Variants in XYLB observed in about 807,000 individuals in gnomAD.
XYLB encodes the protein xylulose kinase.
Under a neutral mutation model 78.7 loss-of-function variants are expected in XYLB, and 62 were observed. The observed-to-expected ratio is 0.79, with a 90% CI of 0.64 to 0.97. XYLB has a LOEUF of 0.97. XYLB is among the 50% of genes least tolerant of loss of function. XYLB has a pLI of 0.00. For missense variants in XYLB, 687 were observed against 676.8 expected (o/e 1.02, Z -0.17); for synonymous variants, 245 against 247.4 (o/e 0.99, Z 0.09).
chr3:38,369,726 T>C (rs937202268), intron 8 of XYLB, among the ~76,000 whole-genome samples: 1 of 152,180 alleles, frequency 6.6e-6, no homozygotes, highest in Non-Finnish European at 1.5e-5. Flanking sequence ...CCTGGAAACC[T>C]AAGGGACATG....
At chr3:38,391,921 A>G (rs73825562) in intron 15 of XYLB, among the ~76,000 whole-genome samples, 6 of 152,290 alleles carry the variant, frequency 3.9e-5, no homozygotes, top group African/African-American at 1.2e-4. Context: ...TGATGAGTAG[A>G]GCTACTTTCC....
intron 18 of XYLB, among the ~76,000 whole-genome samples, chr3:38,405,503 A>G (rs1708278725): frequency 6.6e-6 from 1 of 152,168 alleles, no homozygotes; most frequent in Non-Finnish European, 1.5e-5. Context: ...TACTGGGTTC[A>G]TCTCACTAGG....
chr3:38,444,397 A>C, the XYLB span, among the ~76,000 whole-genome samples: 1 of 152,264 alleles, frequency 6.6e-6, no homozygotes, highest in East Asian at 1.9e-4. Flanking sequence ...ATTAATAGGA[A>C]GGGGAGCTAT....
At chr3:38,380,859 A>G (rs1575498853) in intron 15 of XYLB, among the ~76,000 whole-genome samples, 1 of 152,264 alleles carries the variant, frequency 6.6e-6, no homozygotes, top group Non-Finnish European at 1.5e-5. Context: ...ATGAAAATGA[A>G]CCAGCCTCAG....
intron 15 of XYLB, among the ~76,000 whole-genome samples, chr3:38,387,310 CTT>C (rs1051745894): frequency 1.4e-5 from 2 of 144,676 alleles, no homozygotes; most frequent in African/African-American, 2.5e-5. Flanking sequence ...ATTTTCTATT[CTT>C]TTTTTTTTTT....
rs760517762 is a variant in XYLB, at chr3:38,360,357, T to C, written c.159T>C (p.His53=). 15 of 1,613,952 alleles carry C rather than the reference T, an allele frequency of 9.3e-6. No homozygotes were observed. Among genetic ancestry groups the C allele is most frequent in the Non-Finnish European group, 1.3e-5 (15 of 1,179,906 alleles). The change falls in exon 3 of 19, where the codon CAT becomes CAC. Residue 53 remains histidine (H), a synonymous_variant. Coordinates refer to ENST00000207870, the MANE Select transcript of XYLB (RefSeq NM_005108.4). ...CTTGCAGGACTCAGGGTGGTGTTCA[T>C]GTGCACAAGGATGGGCTGACGGTCA... ...LPEFGTQGGV[H]VHKDGLTVTS...
chr3:38,359,981 C>T (rs922936147), intron 2 of XYLB, among the ~76,000 whole-genome samples: 1 of 152,180 alleles, frequency 6.6e-6, no homozygotes, highest in Non-Finnish European at 1.5e-5. Context: ...ACTCTTCCCT[C>T]CGACGCAGCA....
chr3:38,371,199 C>G (rs1706538402), intron 9 of XYLB, among the ~76,000 whole-genome samples: 1 of 152,138 alleles, frequency 6.6e-6, no homozygotes, highest in African/African-American at 2.4e-5. Flanking sequence ...GCCACCAACT[C>G]CTGGGCTCAA....
the XYLB span, among the ~76,000 whole-genome samples, chr3:38,440,661 AC>A: frequency 6.6e-6 from 1 of 152,234 alleles, no homozygotes; most frequent in Non-Finnish European, 1.5e-5. Flanking sequence ...CTTTTGGGCT[AC>A]GCTCTTGGTT....
rs368255264 is a variant in XYLB, at chr3:38,371,334, C to T, written c.765+1160C>T. ...TGTCACCCAGGCTGGAGTGCAGTGG[C>T]GCAGTCTCGGCTCACTGCAAGCTCC... On this transcript the variant is annotated intron_variant, in intron 9 of 18. Transcript: ENST00000207870. 1.2e-4 allele frequency among the ~76,000 whole-genome samples: 18 copies of T among 151,508 alleles called. No individual in the cohort carries two copies. The East Asian group carries it at 2.3e-3, about 20-fold the overall frequency.
intron 5 of XYLB, 87 bp from the exon 6 acceptor site, chr3:38,365,521 G>T: frequency 6.5e-7 from 1 of 1,538,410 alleles, no homozygotes; most frequent in African/African-American, 1.4e-5. Flanking sequence ...CATGACTGCC[G>T]TGATGGGCAG....
At chr3:38,431,485 G>T in the XYLB span, among the ~76,000 whole-genome samples, 198 of 152,348 alleles carry the variant, frequency 1.3e-3, no homozygotes, top group Non-Finnish European at 2.3e-3. Context: ...ATACGATCAT[G>T]TCGCCTGCAA....
At chr3:38,391,087 C>T (rs1287115572) in intron 15 of XYLB, among the ~76,000 whole-genome samples, 4 of 151,960 alleles carry the variant, frequency 2.6e-5, no homozygotes, top group Non-Finnish European at 5.9e-5. Flanking sequence ...GGCATGGTGG[C>T]GGACGCTTAT....
At chr3:38,426,525 G>C in the XYLB span, among the ~76,000 whole-genome samples, 1 of 152,320 alleles carries the variant, frequency 6.6e-6, no homozygotes, top group Admixed American at 6.5e-5. Flanking sequence ...CGCTTCAGAT[G>C]GATTAGCAGC....
At chr3:38,437,794 G>A in the XYLB span, among the ~76,000 whole-genome samples, 7 of 151,886 alleles carry the variant, frequency 4.6e-5, no homozygotes, top group East Asian at 1.9e-4. Flanking sequence ...AAAATAGGCC[G>A]GGTGCAGTGG....
At chr3:38,362,823 C>A in intron 3 of XYLB, 114 bp from the exon 4 acceptor site, 1 of 773,840 alleles carries the variant, frequency 1.3e-6, no homozygotes, top group Non-Finnish European at 1.9e-6. Flanking sequence ...GTTTCTTCAT[C>A]ATCTGCCCAG....
intron 14 of XYLB, 48 bp downstream of exon 14, chr3:38,377,039 G>A (rs1706896656): frequency 6.6e-7 from 1 of 1,517,096 alleles, no homozygotes; most frequent in South Asian, 1.2e-5. Flanking sequence ...ATTTGTGAGT[G>A]TAAAATTTAA....
At chr3:38,365,817 G>T in intron 6 of XYLB, 81 bp downstream of exon 6, 1 of 1,486,538 alleles carries the variant, frequency 6.7e-7, no homozygotes, top group Non-Finnish European at 9.0e-7. Flanking sequence ...CCTCTGGGGG[G>T]ATCACATGAG....
At chr3:38,393,272 A>G (rs2125641170) in intron 15 of XYLB, among the ~76,000 whole-genome samples, 1 of 152,172 alleles carries the variant, frequency 6.6e-6, no homozygotes, top group South Asian at 2.1e-4. Flanking sequence ...CATCCCGAGT[A>G]GCTAGGACTA....
Sources: gnomAD v4.1 joint callset for allele counts (sites outside exome capture counted in the v4.1 genomes callset) on GRCh38, gnomAD v4.1.1 for gene constraint, MANE v1.5 for transcripts, NCBI Gene and HGNC (gene_info 2026-07-23, HGNC 2026-07-21) for gene names.